EGLN1: variants seen among roughly 807,000 people sequenced by gnomAD.
EGLN1 encodes egl nine homolog 1.
In EGLN1, 17 loss-of-function variants were observed where a neutral mutation model predicts 38.3. The observed-to-expected ratio is 0.44, with a 90% CI of 0.30 to 0.67. The LOEUF (loss-of-function observed/expected upper bound fraction) is 0.67, where lower values mean the gene tolerates loss of function less well. EGLN1 is among the 30% of genes least tolerant of loss of function. The probability of loss-of-function intolerance (pLI) is 0.08; values close to 1 mark genes in which losing one functional copy is unlikely to be tolerated. For missense variants in EGLN1, 477 were observed against 603.3 expected (o/e 0.79, Z 2.19); for synonymous variants, 283 against 257.5 (o/e 1.10, Z -0.95).
At chr1:231,390,119 T>G (rs557203384) in intron 1 of EGLN1, among the ~76,000 whole-genome samples, 1 of 152,180 alleles carries the variant, frequency 6.6e-6, no homozygotes, top group Non-Finnish European at 1.5e-5. Context: ...AAAATAACAA[T>G]AGTATACCAC....
At chr1:231,386,100 A>G (rs571675693) in intron 1 of EGLN1, among the ~76,000 whole-genome samples, 13 of 144,314 alleles carry the variant, frequency 9.0e-5, no homozygotes, top group Non-Finnish European at 1.7e-4. Flanking sequence ...ACAGGCACGA[A>G]CCACCATGCC....
chr1:231,400,464 G>A (rs894881360), intron 1 of EGLN1, among the ~76,000 whole-genome samples: 1 of 152,062 alleles, frequency 6.6e-6, no homozygotes, highest in Non-Finnish European at 1.5e-5. Flanking sequence ...TGCATACATT[G>A]CCTGAGTTAC....
At chr1:231,388,246 T>A (rs146927148) in intron 1 of EGLN1, among the ~76,000 whole-genome samples, 2 of 149,548 alleles carry the variant, frequency 1.3e-5, no homozygotes, top group Admixed American at 1.4e-4. Context: ...AGGCCTCACA[T>A]TTGTAATTAA....
chr1:231,396,068 T>C (rs1008922483), intron 1 of EGLN1, among the ~76,000 whole-genome samples: 5 of 151,922 alleles, frequency 3.3e-5, no homozygotes, highest in Non-Finnish European at 2.9e-5. Context: ...AAATGTCTTT[T>C]AGTTCCAATC....
intron 1 of EGLN1, among the ~76,000 whole-genome samples, chr1:231,416,473 C>T (rs1021585212): frequency 1.4e-5 from 2 of 145,666 alleles, no homozygotes; most frequent in African/African-American, 2.6e-5. Flanking sequence ...TTTGTTCTAT[C>T]ACCTGGGCTC....
intron 3 of EGLN1, among the ~76,000 whole-genome samples, chr1:231,367,921 C>G (rs1349431286): frequency 6.6e-6 from 1 of 152,160 alleles, no homozygotes; most frequent in South Asian, 2.1e-4. Context: ...CAGTGGCTCA[C>G]GCCTGTAATC....
chr1:231,411,986 T>C (rs1688961508), intron 1 of EGLN1, among the ~76,000 whole-genome samples: 1 of 110,920 alleles, frequency 9.0e-6, no homozygotes, highest in Non-Finnish European at 1.7e-5. Flanking sequence ...CACTACAGCC[T>C]GGGTGACAGA....
intron 1 of EGLN1, among the ~76,000 whole-genome samples, chr1:231,415,158 A>C (rs1035129194): frequency 6.6e-6 from 1 of 152,024 alleles, no homozygotes; most frequent in Non-Finnish European, 1.5e-5. Flanking sequence ...CTGTAGTCCC[A>C]GCTACTACGG....
At chr1:231,385,439 G>C (rs1369529339) in intron 1 of EGLN1, among the ~76,000 whole-genome samples, 1 of 152,180 alleles carries the variant, frequency 6.6e-6, no homozygotes, top group Non-Finnish European at 1.5e-5. Context: ...AATGAGTTTT[G>C]AAAGAGTATG....
intron 1 of EGLN1, among the ~76,000 whole-genome samples, chr1:231,380,333 A>AAAG (rs1484933186): frequency 3.3e-5 from 5 of 151,614 alleles, no homozygotes; most frequent in Non-Finnish European, 5.9e-5. Context: ...AAAAAAAAAA[A>AAAG]AAGAATAAGA....
intron 1 of EGLN1, among the ~76,000 whole-genome samples, chr1:231,393,781 G>GA (rs201791971): frequency 7.3e-5 from 11 of 150,258 alleles, no homozygotes; most frequent in East Asian, 1.9e-4. Context: ...TTCCCTTTCA[G>GA]AAAAAAAAAT....
chr1:231,416,564 AC>A (rs1459763759), intron 1 of EGLN1, among the ~76,000 whole-genome samples: 1 of 151,376 alleles, frequency 6.6e-6, no homozygotes, highest in Non-Finnish European at 1.5e-5. Context: ...ACAAAGTCTC[AC>A]CATTTGCCCA....
chr1:231,379,782 C>T (rs1226421232), intron 1 of EGLN1, among the ~76,000 whole-genome samples: 1 of 152,214 alleles, frequency 6.6e-6, no homozygotes, highest in African/African-American at 2.4e-5. Context: ...AGACATTGGC[C>T]TCGGCCAGGA....
Position 231,421,480 on chromosome 1 carries a change from C to A in EGLN1, c.409G>T (p.Ala137Ser). The change falls in exon 1 of 5, where the codon GCG becomes TCG. Residue 137 changes from alanine (A) to serine (S), a missense_variant. Physicochemically the swap from Ala to Ser is moderately conservative, Grantham distance 99. Around this residue, in one of 4 missense-constraint regions of EGLN1, gnomAD observed 298 missense variants for 288.9 expected, o/e 1.03. Transcript: ENST00000366641. This position sits in a 1 kb window ranked among gnomAD's most constrained non-coding sequence, Gnocchi z 5.5. ...CCGGGCTCGGCTTCGGCAGCCACCG[C>A]CGAGCCCTGGCCGCCGGCGGCCGCA... Reference protein sequence around the residue: ...CRAAAGGQGSAVAAEAEPGKE... With the variant: ...CRAAAGGQGSSVAAEAEPGKE... 7.2e-7 allele frequency: 1 copy of A among 1,397,532 alleles called. No homozygotes were observed. The highest frequency in any genetic ancestry group is 9.3e-7 in the Non-Finnish European group (1 of 1,077,798). The allele number at this position is 1,397,532 out of a possible 1,614,324, so 86.6% of individuals were successfully genotyped here. A position where few individuals can be genotyped will look rare whatever the true frequency, so the allele number is the denominator to read the frequency against.
At chr1:231,385,623 G>A (rs1688185287) in intron 1 of EGLN1, among the ~76,000 whole-genome samples, 1 of 152,146 alleles carries the variant, frequency 6.6e-6, no homozygotes, top group Non-Finnish European at 1.5e-5. Flanking sequence ...AGCTTAGTAA[G>A]CCCCAATGAT....
intron 1 of EGLN1, among the ~76,000 whole-genome samples, chr1:231,419,803 T>A (rs1390462671): frequency 6.6e-6 from 1 of 152,236 alleles, no homozygotes; most frequent in Non-Finnish European, 1.5e-5. Flanking sequence ...CTGCCTATGT[T>A]CAGTCTTTCG....
At chr1:231,382,835 A>G (rs146567767) in intron 1 of EGLN1, among the ~76,000 whole-genome samples, 4,695 of 152,210 alleles carry the variant, frequency 0.031, 244 homozygotes, top group African/African-American at 0.11. Context: ...AGGCAGGTGG[A>G]TCATCTGAGG....
chr1:231,378,563 T>A (rs1472140320), intron 1 of EGLN1, among the ~76,000 whole-genome samples: 3 of 152,186 alleles, frequency 2.0e-5, no homozygotes, highest in East Asian at 1.9e-4. Flanking sequence ...CCCAAAGTGC[T>A]AGGACTACAG....
intron 1 of EGLN1, among the ~76,000 whole-genome samples, chr1:231,415,873 A>G (rs1316425160): frequency 6.8e-6 from 1 of 148,106 alleles, no homozygotes; most frequent in Non-Finnish European, 1.5e-5. Context: ...TTTGAGACGG[A>G]GTCTCGCTCT....
Sources: allele counts gnomAD v4.1 joint callset (sites outside exome capture counted in the v4.1 genomes callset), GRCh38; gene constraint gnomAD v4.1.1; regional missense constraint gnomAD v4.1.1; non-coding constraint Gnocchi (gnomAD v3.1); transcripts MANE v1.5; gene names NCBI Gene and HGNC (gene_info 2026-07-23, HGNC 2026-07-21).